Variants in TTPAL observed in about 807,000 individuals in gnomAD.
The protein encoded by TTPAL is alpha-tocopherol transfer protein-like.
In TTPAL, 21 loss-of-function variants were observed where a neutral mutation model predicts 28.7. The ratio of observed to expected loss-of-function variants is 0.73; its 90% CI spans 0.52 to 1.06. TTPAL has a LOEUF of 1.06. Among genes scored for constraint, TTPAL ranks in the 50% least tolerant of loss-of-function variants. TTPAL has a pLI of 0.00. For missense variants in TTPAL, 345 were observed against 425.5 expected (o/e 0.81, Z 1.67); for synonymous variants, 169 against 171.9 (o/e 0.98, Z 0.13).
chr20:44,484,258 T>C, intron 2 of TTPAL, 79 bp from the exon 3 acceptor site: 1 of 990,734 alleles, frequency 1.0e-6, no homozygotes, highest in Non-Finnish European at 1.4e-6. Context: ...ACAACAGTGA[T>C]AGAAAGGAGA....
chr20:44,493,339 A>G lies in TTPAL; in HGVS notation c.*3798A>G, dbSNP rs748137231. On this transcript the variant is annotated 3_prime_UTR_variant, in exon 5 of 5. Transcript: ENST00000262605. The stretch of plus-strand genomic sequence containing the variant: ...ACACCATTTTTCCCGAAATAAGACA[A>G]TAAGAGGCTTTTCTCTGAATTCCTT... The G allele has an allele frequency of 6.6e-6, 1 of 152,360 alleles. No individual in the cohort carries two copies. The highest frequency in any genetic ancestry group is 2.4e-5 in the African/African-American group (1 of 41,464). The allele number at this position is 152,360 out of a possible 1,614,324, so 9.4% of individuals were successfully genotyped here. A position where few individuals can be genotyped will look rare whatever the true frequency, so the allele number is the denominator to read the frequency against.
At position 44,489,588 on chromosome 20, in the gene TTPAL, TG is replaced by T. The variant is rs762334186; in HGVS notation, c.*49del. ...CTTTAATTCTTTTCCTTCTTTTCTT[TG>T]GAGAGGCACAAGGAGAATTTAAGGG... is the stretch of plus-strand genomic sequence containing the variant. On this transcript the variant is annotated 3_prime_UTR_variant, in exon 5 of 5. Coordinates refer to ENST00000262605, the MANE Select transcript of TTPAL (RefSeq NM_001039199.3). 6.4e-7 allele frequency: 1 copy of T among 1,561,196 alleles called. No homozygotes were observed. Among genetic ancestry groups the T allele is most frequent in the East Asian group, 2.3e-5 (1 of 44,074 alleles).
intron 2 of TTPAL, among the ~76,000 whole-genome samples, chr20:44,481,561 G>C (rs1168155323): frequency 6.6e-6 from 1 of 152,146 alleles, no homozygotes; most frequent in African/African-American, 2.4e-5. Context: ...CCAGAGCTGA[G>C]AGAAAAATGG....
In TTPAL at chr20:44,489,352, G is replaced by A. The variant is rs1182460818; in HGVS notation, c.840G>A (p.Glu280=). The A allele has an allele frequency of 6.2e-7, 1 of 1,614,166 alleles. No individual in the cohort carries two copies. Among genetic ancestry groups the A allele is most frequent in the Admixed American group, 1.7e-5 (1 of 60,026 alleles). ...AGGAGTATGGGGGCACGGCTGGGGA[G>A]CTGGACACTGCCACCTGGAACGCGG... ...LPKEYGGTAG[E]LDTATWNAVL... The change falls in exon 5 of 5, where the codon GAG becomes GAA. Residue 280 remains glutamate, a synonymous_variant. Transcript: ENST00000262605.
rs533066071 is a variant in TTPAL at position 44,486,861 on chromosome 20, G to C, written c.750+155G>C. Among the ~76,000 whole-genome samples, 3 of 152,340 alleles carry C rather than the reference G, an allele frequency of 2.0e-5. No individual in the cohort carries two copies. The South Asian group carries it at 6.2e-4, about 32-fold the overall frequency. ...AAATGAACAGTCCCTTTTGTGAGGAGAAGATGGAAGAGTAAATGAACAAGA... is the reference window on the plus strand; with the variant it reads ...AAATGAACAGTCCCTTTTGTGAGGACAAGATGGAAGAGTAAATGAACAAGA... On this transcript the variant is annotated intron_variant, in intron 4 of 4. Transcript: ENST00000262605.
rs745696379 is a variant in TTPAL, at chr20:44,480,006, G to A, written c.7G>A (p.Glu3Lys). The part of the protein sequence containing the change: MS[E>K]ESDSLRTSPS... ...GCAGGGACCTTGGTAGCTAATGTCC[G>A]AAGAAAGTGACTCTCTGAGAACCAG... is the stretch of plus-strand genomic sequence containing the variant. The change falls in exon 2 of 5, where the codon GAA (glutamate) becomes AAA (lysine). Residue 3 changes from glutamate (E) to lysine (K), a missense_variant. Glu to Lys is a moderately conservative substitution (Grantham distance 56). Coordinates refer to ENST00000262605, the MANE Select transcript of TTPAL (RefSeq NM_001039199.3). The surrounding 1 kb of genome is among the most constrained non-coding windows in gnomAD (Gnocchi z 4.1). 3.3e-5 allele frequency: 54 copies of A among 1,612,390 alleles called. No homozygotes were observed. The highest frequency in any genetic ancestry group is 1.6e-4 in the Middle Eastern group (1 of 6,072).
chr20:44,484,195 C>T, intron 2 of TTPAL, 142 bp from the exon 3 acceptor site: 1 of 529,480 alleles, frequency 1.9e-6, no homozygotes, highest in South Asian at 4.7e-5. Flanking sequence ...GTTCCATTTA[C>T]TAACCTAAAT....
chr20:44,476,675 G>T (rs989466713), intron 1 of TTPAL, among the ~76,000 whole-genome samples: 1 of 152,236 alleles, frequency 6.6e-6, no homozygotes, highest in Non-Finnish European at 1.5e-5. Context: ...ATAACGTGAA[G>T]ATTAAATGAG....
chr20:44,482,806 T>A (rs1264405823), intron 2 of TTPAL, among the ~76,000 whole-genome samples: 1 of 151,916 alleles, frequency 6.6e-6, no homozygotes, highest in Non-Finnish European at 1.5e-5. Context: ...GAGGGGAACA[T>A]AGCACTATGT....
chr20:44,479,488 T>C (rs1220854196), intron 1 of TTPAL, among the ~76,000 whole-genome samples: 1 of 140,308 alleles, frequency 7.1e-6, no homozygotes, highest in African/African-American at 2.6e-5. Flanking sequence ...AACCTCCACG[T>C]CCCGGGTTCA....
At chr20:44,482,147 T>G (rs549668506) in intron 2 of TTPAL, among the ~76,000 whole-genome samples, 1 of 152,268 alleles carries the variant, frequency 6.6e-6, no homozygotes, top group Non-Finnish European at 1.5e-5. Flanking sequence ...TTTTGAGACA[T>G]GTGATTGAAA....
rs943330170 is a variant in TTPAL at position 44,494,121 on chromosome 20, G to A, written c.*4580G>A. On this transcript the variant is annotated 3_prime_UTR_variant, in exon 5 of 5. Transcript: ENST00000262605. ...CTAGTAACAAACATCACAGTCAACA[G>A]GAGCTTGCTTCATGCGAAGGATCAA... 7.9e-5 allele frequency: 12 copies of A among 152,308 alleles called. No homozygotes were observed. The highest frequency in any genetic ancestry group is 2.7e-4 in the African/African-American group (11 of 41,422). The allele number at this position is 152,308 out of a possible 1,614,324, so 9.4% of individuals were successfully genotyped here. A position where few individuals can be genotyped will look rare whatever the true frequency, so the allele number is the denominator to read the frequency against.
chr20:44,476,479 C>G (rs2064044957), intron 1 of TTPAL, among the ~76,000 whole-genome samples: 1 of 152,194 alleles, frequency 6.6e-6, no homozygotes, highest in African/African-American at 2.4e-5. Flanking sequence ...CCGGGTGTGC[C>G]CCCTTGGGCG....
chr20:44,477,899 TC>T (rs2064060713), intron 1 of TTPAL, among the ~76,000 whole-genome samples: 1 of 152,062 alleles, frequency 6.6e-6, no homozygotes, highest in Non-Finnish European at 1.5e-5. Context: ...AGGTGATCCA[TC>T]CACTTCAGCC....
chr20:44,481,620 A>G (rs1383653365), intron 2 of TTPAL, among the ~76,000 whole-genome samples: 1 of 152,218 alleles, frequency 6.6e-6, no homozygotes, highest in African/African-American at 2.4e-5. Flanking sequence ...ATGAGAACAC[A>G]CTAATAGCCC....
chr20:44,480,232 A>G lies in TTPAL; in HGVS notation c.233A>G (p.Asp78Gly). 6.2e-7 allele frequency: 1 copy of G among 1,614,160 alleles called. No individual in the cohort carries two copies. The highest frequency in any genetic ancestry group is 8.5e-7 in the Non-Finnish European group (1 of 1,180,016). ...CCCAACCTGAGCACATCCCTCGACGATGCCTTCCTGCTGCGCTTCCTCCGA... is the reference window on the plus strand; with the variant it reads ...CCCAACCTGAGCACATCCCTCGACGGTGCCTTCCTGCTGCGCTTCCTCCGA... ...EYPNLSTSLD[D>G]AFLLRFLRAR... The change falls in exon 2 of 5, where the codon GAT becomes GGT. Residue 78 changes from aspartate (D) to glycine (G), a missense_variant. Physicochemically the swap from Asp to Gly is moderately conservative, Grantham distance 94. Transcript: ENST00000262605. This position sits in a 1 kb window ranked among gnomAD's most constrained non-coding sequence, Gnocchi z 4.1.
chr20:44,479,415 T>C (rs927112779), intron 1 of TTPAL, among the ~76,000 whole-genome samples: 4 of 145,948 alleles, frequency 2.7e-5, no homozygotes, highest in Non-Finnish European at 4.5e-5. Flanking sequence ...TTTTTTTTTT[T>C]TTTTTTTTTT....
intron 2 of TTPAL, among the ~76,000 whole-genome samples, chr20:44,481,648 T>C (rs994942776): frequency 2.6e-5 from 4 of 152,206 alleles, no homozygotes; most frequent in Non-Finnish European, 5.9e-5. Context: ...CTCATTCATA[T>C]AAACGCCCTC....
At chr20:44,479,225 T>C (rs2064076199) in intron 1 of TTPAL, among the ~76,000 whole-genome samples, 1 of 152,180 alleles carries the variant, frequency 6.6e-6, no homozygotes, top group Admixed American at 6.6e-5. Flanking sequence ...ATGTGCATAT[T>C]ATGCATATAT....
Sources: allele counts gnomAD v4.1 joint callset (sites outside exome capture counted in the v4.1 genomes callset), GRCh38; gene constraint gnomAD v4.1.1; non-coding constraint Gnocchi (gnomAD v3.1); transcripts MANE v1.5; gene names NCBI Gene and HGNC (gene_info 2026-07-23, HGNC 2026-07-21).